Variants in FKBPL observed in about 807,000 individuals in gnomAD.
FKBPL encodes FKBP prolyl isomerase like.
Under a neutral mutation model 27.9 loss-of-function variants are expected in FKBPL, and 31 were observed. That is an observed-to-expected ratio of 1.11 (90% confidence interval 0.83 to 1.50). The LOEUF is 1.50. Ranked by LOEUF, FKBPL falls within the 40% of genes most tolerant of loss-of-function variation. The pLI, the probability that FKBPL is intolerant of heterozygous loss-of-function variation, is 0.00. For missense variants in FKBPL, 355 were observed against 425.9 expected (o/e 0.83, Z 1.46); for synonymous variants, 134 against 169.5 (o/e 0.79, Z 1.63).
Position 32,129,256 on chromosome 6 carries a change from A to C in FKBPL, c.525T>G (p.Leu175=). 3 of 1,614,236 alleles carry C rather than the reference A, an allele frequency of 1.9e-6. No homozygotes were observed. Among genetic ancestry groups the C allele is most frequent in the Non-Finnish European group, 2.5e-6 (3 of 1,180,034 alleles). ...ESMCQGEEAE[L]QLPGHSGPPV... Reference sequence around the variant, plus strand: ...GAGGTCCAGAGTGCCCAGGCAGCTGAAGCTCTGCTTCCTCACCTTGACACA... The same window carrying C: ...GAGGTCCAGAGTGCCCAGGCAGCTGCAGCTCTGCTTCCTCACCTTGACACA... The change falls in exon 2 of 2, where the codon CTT becomes CTG. Residue 175 remains leucine, a synonymous_variant. Transcript: ENST00000375156. The surrounding 1 kb of genome is among the most constrained non-coding windows in gnomAD (Gnocchi z 4.5).
chr6:32,129,440 C>A lies in FKBPL; in HGVS notation c.341G>T (p.Gly114Val). Residue 114 changes from glycine (G) to valine (V), a missense_variant, in exon 2 of 2, where the codon GGC becomes GTC. Gly to Val is a moderately radical substitution (Grantham distance 109). Coordinates refer to ENST00000375156, the MANE Select transcript of FKBPL (RefSeq NM_022110.4). This position sits in a 1 kb window ranked among gnomAD's most constrained non-coding sequence, Gnocchi z 4.5. ...FVKKIVIRGHGLDKPKLGSCC... is the reference protein window; with the variant it reads ...FVKKIVIRGHVLDKPKLGSCC... ...GGAGCCTAGTTTGGGTTTGTCCAAG[C>A]CATGGCCACGGATTACGATCTTCTT... is the stretch of plus-strand genomic sequence containing the variant. The A allele has an allele frequency of 6.2e-7, 1 of 1,614,270 alleles. No individual in the cohort carries two copies. Among genetic ancestry groups the A allele is most frequent in the Non-Finnish European group, 8.5e-7 (1 of 1,180,054 alleles).
Position 32,129,624 on chromosome 6 carries a change from G to A in FKBPL, c.157C>T (p.Pro53Ser), listed in dbSNP as rs1162615646. The A allele has an allele frequency of 1.2e-6, 2 of 1,614,134 alleles. No individual in the cohort carries two copies. The highest frequency in any genetic ancestry group is 8.5e-7 in the Non-Finnish European group (1 of 1,180,026). Reference protein sequence around the residue: ...PTETLELEVSPDPASQILEHT... With the variant: ...PTETLELEVSSDPASQILEHT... ...TCTAGAATTTGGCTGGCTGGATCTG[G>A]GCTTACTTCCAGCTCAAGCGTTTCG... Residue 53 changes from proline to serine, a missense_variant, in exon 2 of 2, where the codon CCA becomes TCA. Coordinates refer to ENST00000375156, the MANE Select transcript of FKBPL (RefSeq NM_022110.4). The surrounding 1 kb of genome is among the most constrained non-coding windows in gnomAD (Gnocchi z 4.5).
Position 32,129,980 on chromosome 6 carries a change from A to C in FKBPL, c.-75+115T>G. 2 of 632,648 alleles carry C rather than the reference A, an allele frequency of 3.2e-6. No individual in the cohort carries two copies. Among genetic ancestry groups the C allele is most frequent in the Non-Finnish European group, 5.6e-6 (2 of 356,290 alleles). The allele number at this position is 632,648 out of a possible 1,614,324, so 39.2% of individuals were successfully genotyped here. A position where few individuals can be genotyped will look rare whatever the true frequency, so the allele number is the denominator to read the frequency against. On this transcript the variant is annotated intron_variant, in intron 1 of 1. Coordinates refer to ENST00000375156, the MANE Select transcript of FKBPL (RefSeq NM_022110.4). This position sits in a 1 kb window ranked among gnomAD's most constrained non-coding sequence, Gnocchi z 4.5. ...TCCCCAGTTTTGCTTTCCTCCAAAA[A>C]TCTGCTCCAGCTTCCCCGTTCCACC...
rs747865039 is a variant in FKBPL at position 32,129,734 on chromosome 6, TGA to T, written c.45_46del (p.Gln16AlafsTer14). 9 of 1,614,208 alleles carry T rather than the reference TGA, an allele frequency of 5.6e-6. No individual in the cohort carries two copies. Among genetic ancestry groups the T allele is most frequent in the Non-Finnish European group, 7.6e-6 (9 of 1,180,042 alleles). On this transcript the variant is annotated frameshift_variant, in exon 2 of 2. Coordinates refer to ENST00000375156, the MANE Select transcript of FKBPL (RefSeq NM_022110.4). LOFTEE classifies it high-confidence loss of function. The surrounding 1 kb of genome is among the most constrained non-coding windows in gnomAD (Gnocchi z 4.5). ...GTTCTTTTCCCACTCTTGTTGCGGCTGAGAGGTGTCCTTTTCTCCAATTGTAT... is the reference window on the plus strand; with the variant it reads ...GTTCTTTTCCCACTCTTGTTGCGGCTGAGGTGTCCTTTTCTCCAATTGTAT...
At position 32,129,643 on chromosome 6, in the gene FKBPL, C is replaced by A. The variant is rs375189513; in HGVS notation, c.138G>T (p.Thr46=). ...GATCTGGGCTTACTTCCAGCTCAAG[C>A]GTTTCGGTAGGAGGGTCTCGGGGCT... The part of the protein sequence containing the change: ...RQQPRDPPTE[T]LELEVSPDPA... Residue 46 remains threonine (T), a synonymous_variant, in exon 2 of 2, where the codon ACG becomes ACT. Transcript: ENST00000375156. This position sits in a 1 kb window ranked among gnomAD's most constrained non-coding sequence, Gnocchi z 4.5. 1 of 1,613,992 alleles carries A rather than the reference C, an allele frequency of 6.2e-7. No individual in the cohort carries two copies. The highest frequency in any genetic ancestry group is 1.7e-5 in the Admixed American group (1 of 59,990).
Position 32,129,856 on chromosome 6 carries a change from T to C in FKBPL, c.-74-2A>G, listed in dbSNP as rs1231062409. ...GATGAACCAGGTTCAGGTCAGCACC[T>C]GAAAAGAAAACCAAACAATGCTAAT... On this transcript the variant is annotated splice_acceptor_variant, in intron 1 of 1. Transcript: ENST00000375156. LOFTEE classifies it low-confidence loss of function (5UTR_SPLICE). This position sits in a 1 kb window ranked among gnomAD's most constrained non-coding sequence, Gnocchi z 4.5. 4.4e-5 allele frequency: 60 copies of C among 1,363,024 alleles called. No individual in the cohort carries two copies. In the East Asian group the frequency reaches 1.4e-3, roughly 31 times the overall value. 84.4% of individuals were successfully genotyped at this position (1,363,024 alleles called of 1,614,324 possible).
chr6:32,128,920 C>T lies in FKBPL; in HGVS notation c.861G>A (p.Lys287=). 1 of 1,614,172 alleles carries T rather than the reference C, an allele frequency of 6.2e-7. No individual in the cohort carries two copies. The change falls in exon 2 of 2, where the codon AAG becomes AAA. Residue 287 remains lysine (K), a synonymous_variant. Coordinates refer to ENST00000375156, the MANE Select transcript of FKBPL (RefSeq NM_022110.4). ...GGGCAACCCCCCTTCGGTATAAGGC[C>T]TTTAAATGGCCAGGCTCCCGCTCCA... is the stretch of plus-strand genomic sequence containing the variant. ...RVLEREPGHL[K]ALYRRGVAQA... is the part of the protein sequence containing the mutation.
chr6:32,129,823 C>A lies in FKBPL; in HGVS notation c.-43G>T, dbSNP rs781604045. 12 of 1,574,184 alleles carry A rather than the reference C, an allele frequency of 7.6e-6. No homozygotes were observed. The highest frequency in any genetic ancestry group is 1.0e-5 in the Non-Finnish European group (12 of 1,153,520). On this transcript the variant is annotated 5_prime_UTR_variant, in exon 2 of 2. Coordinates refer to ENST00000375156, the MANE Select transcript of FKBPL (RefSeq NM_022110.4). The surrounding 1 kb of genome is among the most constrained non-coding windows in gnomAD (Gnocchi z 4.5). The stretch of plus-strand genomic sequence containing the variant: ...TCCACGGTGAGTGAACAGTTTTGGT[C>A]AGAAAGGGATGAACCAGGTTCAGGT...
At position 32,129,401 on chromosome 6, in the gene FKBPL, A is replaced by C. The variant is rs1443250533; in HGVS notation, c.380T>G (p.Leu127Arg). Residue 127 changes from leucine to arginine, a missense_variant, in exon 2 of 2, where the codon CTG (leucine) becomes CGG (arginine). Leu to Arg is a moderately radical substitution (Grantham distance 102, BLOSUM62 -2). Transcript: ENST00000375156. This position sits in a 1 kb window ranked among gnomAD's most constrained non-coding sequence, Gnocchi z 4.5. ...KPKLGSCCRV[L>R]ALGFPFGSGP... ...TGATCCGAAAGGAAACCCCAAAGCCAGTACCCGGCAGCAGGAGCCTAGTTT... is the reference window on the plus strand; with the variant it reads ...TGATCCGAAAGGAAACCCCAAAGCCCGTACCCGGCAGCAGGAGCCTAGTTT... 4.3e-6 allele frequency: 7 copies of C among 1,614,238 alleles called. No homozygotes were observed. The highest frequency in any genetic ancestry group is 5.9e-6 in the Non-Finnish European group (7 of 1,180,038).
At position 32,129,515 on chromosome 6, in the gene FKBPL, T is replaced by C; in HGVS notation, c.266A>G (p.Glu89Gly). The C allele has an allele frequency of 6.2e-7, 1 of 1,614,262 alleles. No individual in the cohort carries two copies. Among genetic ancestry groups the C allele is most frequent in the Non-Finnish European group, 8.5e-7 (1 of 1,180,048 alleles). Residue 89 changes from glutamate to glycine, a missense_variant, in exon 2 of 2, where the codon GAG (glutamate) becomes GGG (glycine). Coordinates refer to ENST00000375156, the MANE Select transcript of FKBPL (RefSeq NM_022110.4). The surrounding 1 kb of genome is among the most constrained non-coding windows in gnomAD (Gnocchi z 4.5). ...KSHGSTSQMP[E>G]ALQASDLWYC... ...CCAGAGATCAGAAGCTTGAAGGGCC[T>C]CTGGCATCTGACTGGTTGATCCATG...
At position 32,128,822 on chromosome 6, in the gene FKBPL, C is replaced by A; in HGVS notation, c.959G>T (p.Arg320Leu). 5.0e-6 allele frequency: 8 copies of A among 1,614,228 alleles called. No homozygotes were observed. The highest frequency in any genetic ancestry group is 6.8e-6 in the Non-Finnish European group (8 of 1,180,046). The change falls in exon 2 of 2, where the codon CGG (arginine) becomes CTG (leucine). Residue 320 changes from arginine to leucine, a missense_variant. Transcript: ENST00000375156. ...KKVLAIDPKN[R>L]AAQEELGKVV... is the part of the protein sequence containing the mutation. ...CTTCCCCAGTTCCTCCTGGGCTGCC[C>A]GGTTTTTGGGATCTATCGCCAGCAC...
chr6:32,129,395 A>C lies in FKBPL; in HGVS notation c.386T>G (p.Leu129Trp). 1 of 1,614,242 alleles carries C rather than the reference A, an allele frequency of 6.2e-7. No individual in the cohort carries two copies. The highest frequency in any genetic ancestry group is 2.2e-5 in the East Asian group (1 of 44,888). The change falls in exon 2 of 2, where the codon TTG becomes TGG. Residue 129 changes from leucine (L) to tryptophan (W), a missense_variant. Leu to Trp is a moderately conservative substitution (Grantham distance 61). Coordinates refer to ENST00000375156, the MANE Select transcript of FKBPL (RefSeq NM_022110.4). The surrounding 1 kb of genome is among the most constrained non-coding windows in gnomAD (Gnocchi z 4.5). ...CGGCCCTGATCCGAAAGGAAACCCC[A>C]AAGCCAGTACCCGGCAGCAGGAGCC... ...KLGSCCRVLA[L>W]GFPFGSGPPE...
rs890849699 is a variant in FKBPL, at chr6:32,130,210, A to G, written c.-190T>C. On this transcript the variant is annotated 5_prime_UTR_variant, in exon 1 of 2. Transcript: ENST00000375156. ...GCCCTCGGAGCCTTGCCCCACGCGG[A>G]GAGGGCAGCCGGAGAGGGGCGCGGT... 1.6e-5 allele frequency: 3 copies of G among 192,984 alleles called. No individual in the cohort carries two copies. Among genetic ancestry groups the G allele is most frequent in the Non-Finnish European group, 2.2e-5 (2 of 92,820 alleles). 12.0% of individuals were successfully genotyped at this position (192,984 alleles called of 1,614,324 possible).
At position 32,128,890 on chromosome 6, in the gene FKBPL, A is replaced by G; in HGVS notation, c.891T>C (p.Ala297=). ...KALYRRGVAQ[A]ALGNLEKATA... ...TTGCTTTTTCCAGGTTCCCAAGGGCAGCCTGGGCAACCCCCCTTCGGTATA... is the reference window on the plus strand; with the variant it reads ...TTGCTTTTTCCAGGTTCCCAAGGGCGGCCTGGGCAACCCCCCTTCGGTATA... The change falls in exon 2 of 2, where the codon GCT becomes GCC. Residue 297 remains alanine (A), a synonymous_variant. Coordinates refer to ENST00000375156, the MANE Select transcript of FKBPL (RefSeq NM_022110.4). The G allele has an allele frequency of 6.2e-7, 1 of 1,614,198 alleles. No homozygotes were observed. Among genetic ancestry groups the G allele is most frequent in the Non-Finnish European group, 8.5e-7 (1 of 1,180,042 alleles).
chr6:32,129,077 C>T lies in FKBPL; in HGVS notation c.704G>A (p.Arg235Gln), dbSNP rs1782130631. The T allele has an allele frequency of 1.2e-6, 2 of 1,614,236 alleles. No individual in the cohort carries two copies. The highest frequency in any genetic ancestry group is 1.7e-6 in the Non-Finnish European group (2 of 1,180,044). ...NPEGAARCYG[R>Q]ALRLLLTLPP... Reference sequence around the variant, plus strand: ...TAAAGTCAGGAGCAGCCGAAGAGCCCGTCCATAGCATCGGGCAGCTCCTTC... The same window carrying T: ...TAAAGTCAGGAGCAGCCGAAGAGCCTGTCCATAGCATCGGGCAGCTCCTTC... Residue 235 changes from arginine (R) to glutamine (Q), a missense_variant, in exon 2 of 2, where the codon CGG (arginine) becomes CAG (glutamine). Coordinates refer to ENST00000375156, the MANE Select transcript of FKBPL (RefSeq NM_022110.4). This position sits in a 1 kb window ranked among gnomAD's most constrained non-coding sequence, Gnocchi z 4.5.
In FKBPL at chr6:32,128,898, C is replaced by A. The variant is rs1782121264; in HGVS notation, c.883G>T (p.Ala295Ser). Residue 295 changes from alanine to serine, a missense_variant, in exon 2 of 2, where the codon GCC becomes TCC. Transcript: ENST00000375156. ...HLKALYRRGVAQAALGNLEKA... is the reference protein window; with the variant it reads ...HLKALYRRGVSQAALGNLEKA... ...TCCAGGTTCCCAAGGGCAGCCTGGG[C>A]AACCCCCCTTCGGTATAAGGCCTTT... 4 of 1,614,078 alleles carry A rather than the reference C, an allele frequency of 2.5e-6. No individual in the cohort carries two copies. The highest frequency in any genetic ancestry group is 3.4e-6 in the Non-Finnish European group (4 of 1,180,048).
Position 32,129,608 on chromosome 6 carries a change from T to G in FKBPL, c.173A>C (p.Gln58Pro), listed in dbSNP as rs140876468. 2 of 1,614,058 alleles carry G rather than the reference T, an allele frequency of 1.2e-6. No homozygotes were observed. The highest frequency in any genetic ancestry group is 1.3e-5 in the African/African-American group (1 of 74,910). ...ELEVSPDPASQILEHTQGAEK... is the reference protein window; with the variant it reads ...ELEVSPDPASPILEHTQGAEK... ...AGCTCCTTGAGTATGCTCTAGAATT[T>G]GGCTGGCTGGATCTGGGCTTACTTC... Residue 58 changes from glutamine to proline, a missense_variant, in exon 2 of 2, where the codon CAA becomes CCA. Coordinates refer to ENST00000375156, the MANE Select transcript of FKBPL (RefSeq NM_022110.4). This position sits in a 1 kb window ranked among gnomAD's most constrained non-coding sequence, Gnocchi z 4.5.
Position 32,128,807 on chromosome 6 carries a change from T to C in FKBPL, c.974A>G (p.Glu325Gly). Reference protein sequence around the residue: ...IDPKNRAAQEELGKVVIQGKN... With the variant: ...IDPKNRAAQEGLGKVVIQGKN... ...CCCCTGAATGACCACCTTCCCCAGT[T>C]CCTCCTGGGCTGCCCGGTTTTTGGG... Residue 325 changes from glutamate to glycine, a missense_variant, in exon 2 of 2, where the codon GAA becomes GGA. Coordinates refer to ENST00000375156, the MANE Select transcript of FKBPL (RefSeq NM_022110.4). 6.2e-7 allele frequency: 1 copy of C among 1,614,224 alleles called. No homozygotes were observed. Among genetic ancestry groups the C allele is most frequent in the Non-Finnish European group, 8.5e-7 (1 of 1,180,048 alleles).
At position 32,128,714 on chromosome 6, in the gene FKBPL, T is replaced by C. The variant is rs750358744; in HGVS notation, c.*17A>G. 12 of 1,613,662 alleles carry C rather than the reference T, an allele frequency of 7.4e-6. No homozygotes were observed. The highest frequency in any genetic ancestry group is 1.0e-5 in the Non-Finnish European group (12 of 1,179,700). On this transcript the variant is annotated 3_prime_UTR_variant, in exon 2 of 2. Coordinates refer to ENST00000375156, the MANE Select transcript of FKBPL (RefSeq NM_022110.4). ...ACAATTCACAAGTTCCTGTCTCTTT[T>C]AAGGTTTAACTTTTAATCAGCCAAA...
Sources: allele counts gnomAD v4.1 joint callset, GRCh38; gene constraint gnomAD v4.1.1; non-coding constraint Gnocchi (gnomAD v3.1); transcripts MANE v1.5; gene names NCBI Gene and HGNC (gene_info 2026-07-23, HGNC 2026-07-21).